The following CNTNAP2 variants were observed in gnomAD, a reference collection of about 807,000 sequenced individuals.
The protein encoded by CNTNAP2 is contactin associated protein 2, also known as contactin-associated protein-like 2.
Under a neutral mutation model 155.2 loss-of-function variants are expected in CNTNAP2, and 98 were observed. That is an observed-to-expected ratio of 0.63 (90% CI 0.54 to 0.75). The LOEUF is 0.75. CNTNAP2 is among the 30% of genes least tolerant of loss of function. The pLI is 0.00. For missense variants in CNTNAP2, 1,727 were observed against 1,688.1 expected (o/e 1.02, Z -0.40); for synonymous variants, 651 against 631.2 (o/e 1.03, Z -0.47).
At chr7:147,342,869 A>G (rs914662077) in intron 9 of CNTNAP2, among the ~76,000 whole-genome samples, 14 of 152,284 alleles carry the variant, frequency 9.2e-5, no homozygotes, top group African/African-American at 3.4e-4. Context: ...TTGATAAACA[A>G]TGCATGAATA....
intron 1 of CNTNAP2, among the ~76,000 whole-genome samples, chr7:146,296,645 T>A (rs1408437686): frequency 6.6e-6 from 1 of 152,164 alleles, no homozygotes; most frequent in African/African-American, 2.4e-5. Flanking sequence ...TTGTCCCATG[T>A]CCCAGTAAAA....
chr7:147,038,927 T>C (rs750763472), intron 3 of CNTNAP2, among the ~76,000 whole-genome samples: 16 of 152,148 alleles, frequency 1.1e-4, no homozygotes, highest in East Asian at 3.9e-4. Context: ...GTGATCATAA[T>C]GTACAGGCCC....
intron 1 of CNTNAP2, among the ~76,000 whole-genome samples, chr7:146,525,628 G>T (rs1797680114): frequency 6.6e-6 from 1 of 151,548 alleles, no homozygotes; most frequent in African/African-American, 2.4e-5. Context: ...ATTGATTGTG[G>T]TAGGCATGAG....
chr7:147,331,787 T>A (rs6977519), intron 9 of CNTNAP2, among the ~76,000 whole-genome samples: 29,706 of 152,058 alleles, frequency 0.2, 3,158 homozygotes, highest in East Asian at 0.36. Context: ...GGCCAGACCT[T>A]GTTCACTTCT....
intron 3 of CNTNAP2, among the ~76,000 whole-genome samples, chr7:146,855,807 G>GTATATATATATATATA (rs367900395): frequency 9.0e-6 from 1 of 111,020 alleles, no homozygotes; most frequent in Admixed American, 8.8e-5. Flanking sequence ...GTGTTAATGA[G>GTATATATATATATATA]TATATATATA....
At chr7:146,611,502 T>G (rs142634499) in intron 1 of CNTNAP2, among the ~76,000 whole-genome samples, 2,287 of 152,274 alleles carry the variant, frequency 0.015, 26 homozygotes, top group Non-Finnish European at 0.024. Flanking sequence ...TTATATAAAA[T>G]TTGCTGCCTT....
chr7:147,015,223 G>T (rs1332853316), intron 3 of CNTNAP2, among the ~76,000 whole-genome samples: 1 of 152,052 alleles, frequency 6.6e-6, no homozygotes, highest in Non-Finnish European at 1.5e-5. Flanking sequence ...GGAAGCATGA[G>T]CTCTTGAAGT....
At chr7:147,348,593 C>G (rs1364214867) in intron 9 of CNTNAP2, among the ~76,000 whole-genome samples, 2 of 151,808 alleles carry the variant, frequency 1.3e-5, no homozygotes, top group East Asian at 1.9e-4. Flanking sequence ...TGGAGGTCCT[C>G]AAAAAACTAC....
chr7:147,985,667 T>C (rs1801608082), intron 15 of CNTNAP2, among the ~76,000 whole-genome samples: 3 of 152,148 alleles, frequency 2.0e-5, no homozygotes, highest in African/African-American at 7.2e-5. Context: ...CTATTTTGGC[T>C]CCCCTAACAG....
chr7:147,625,129 G>A (rs1794944405), intron 12 of CNTNAP2, among the ~76,000 whole-genome samples: 1 of 152,082 alleles, frequency 6.6e-6, no homozygotes, highest in Non-Finnish European at 1.5e-5. Flanking sequence ...GGGGTTGCAG[G>A]GGGAAGTGGG....
At chr7:147,615,651 A>G (rs1801276023) in intron 12 of CNTNAP2, among the ~76,000 whole-genome samples, 1 of 152,134 alleles carries the variant, frequency 6.6e-6, no homozygotes, top group Non-Finnish European at 1.5e-5. Flanking sequence ...GCCCTTTTAA[A>G]AATAGAAAAC....
intron 21 of CNTNAP2, among the ~76,000 whole-genome samples, chr7:148,355,483 GTTAC>G (rs1798498357): frequency 6.6e-6 from 1 of 151,982 alleles, no homozygotes; most frequent in African/African-American, 2.4e-5. Context: ...CTTAATGTCT[GTTAC>G]TTACTCAATA....
Position 146,116,971 on chromosome 7 carries a change from C to G in CNTNAP2, c.95C>G (p.Ser32Cys), listed in dbSNP as rs748064330. 1.3e-6 allele frequency: 2 copies of G among 1,550,984 alleles called. No individual in the cohort carries two copies. The highest frequency in any genetic ancestry group is 2.4e-5 in the South Asian group (2 of 84,090). ...LCRAWTAPSTSQKCDEPLVSG... is the reference protein window; with the variant it reads ...LCRAWTAPSTCQKCDEPLVSG... ...AGAGCCTGGACGGCTCCCTCCACGT[C>G]CCGTAAGTAGCCGTCTCCTCGCTCT... Residue 32 changes from serine to cysteine, a missense_variant and splice_region_variant, in exon 1 of 24, where the codon TCC (serine) becomes TGC (cysteine). Coordinates refer to ENST00000361727, the MANE Select transcript of CNTNAP2 (RefSeq NM_014141.6). This position sits in a 1 kb window ranked among gnomAD's most constrained non-coding sequence, Gnocchi z 5.5.
At chr7:147,781,137 T>G (rs1264068923) in intron 13 of CNTNAP2, among the ~76,000 whole-genome samples, 1 of 152,202 alleles carries the variant, frequency 6.6e-6, no homozygotes, top group Non-Finnish European at 1.5e-5. Context: ...ATAATGAAAA[T>G]GACATATTTT....
chr7:146,226,899 C>T (rs1346690712), intron 1 of CNTNAP2, among the ~76,000 whole-genome samples: 13 of 151,808 alleles, frequency 8.6e-5, no homozygotes, highest in Admixed American at 8.5e-4. Flanking sequence ...AAATCATAAC[C>T]ACATGTACAC....
chr7:148,409,258 G>A (rs944386411), intron 22 of CNTNAP2, 133 bp from the exon 23 acceptor site: 46 of 726,790 alleles, frequency 6.3e-5, no homozygotes, highest in Non-Finnish European at 8.3e-5. Flanking sequence ...ATGGCAAGAC[G>A]GGTCCATCTG....
At chr7:147,974,075 T>C (rs569489082) in intron 14 of CNTNAP2, among the ~76,000 whole-genome samples, 1 of 116,864 alleles carries the variant, frequency 8.6e-6, no homozygotes, top group Non-Finnish European at 1.7e-5. Context: ...TATTAAAAAT[T>C]TTTTTAAGTT....
At chr7:147,306,013 G>T (rs544751674) in intron 9 of CNTNAP2, among the ~76,000 whole-genome samples, 4 of 152,150 alleles carry the variant, frequency 2.6e-5, no homozygotes, top group Non-Finnish European at 4.4e-5. Flanking sequence ...CCTCTGATAA[G>T]GACACCACTC....
At chr7:146,444,914 C>T (rs1343249639) in intron 1 of CNTNAP2, among the ~76,000 whole-genome samples, 1 of 151,990 alleles carries the variant, frequency 6.6e-6, no homozygotes, top group Non-Finnish European at 1.5e-5. Context: ...GCCTCGGCCT[C>T]CCAAAATGCT....
Sources: allele counts gnomAD v4.1 joint callset (sites outside exome capture counted in the v4.1 genomes callset), GRCh38; gene constraint gnomAD v4.1.1; non-coding constraint Gnocchi (gnomAD v3.1); transcripts MANE v1.5; gene names NCBI Gene and HGNC (gene_info 2026-07-23, HGNC 2026-07-21).